The following NFIB variants were observed in gnomAD, a reference collection of about 807,000 sequenced individuals.
NFIB encodes nuclear factor 1 B-type.
Under a neutral mutation model 61.5 loss-of-function variants are expected in NFIB, and 11 were observed. That is an observed-to-expected ratio of 0.18 (90% CI 0.11 to 0.30). NFIB has a LOEUF of 0.30. Among genes scored for constraint, NFIB ranks in the 10% least tolerant of loss-of-function variants. NFIB has a pLI of 1.00. For missense variants in NFIB, 471 were observed against 608.9 expected, an observed-to-expected ratio of 0.77 and a Z score of 2.38; for synonymous variants, 260 against 216.5, an observed-to-expected ratio of 1.20 and a Z score of -1.76.
intron 1 of NFIB, among the ~76,000 whole-genome samples, chr9:14,339,928 A>G (rs1053711334): frequency 1.6e-4 from 24 of 152,210 alleles, no homozygotes; most frequent in African/African-American, 5.8e-4. Flanking sequence ...AGTATTTGGT[A>G]ATTGCCTGGC....
At chr9:14,510,190 C>T in the NFIB span, among the ~76,000 whole-genome samples, 10 of 152,208 alleles carry the variant, frequency 6.6e-5, no homozygotes, top group Admixed American at 5.2e-4. Context: ...GCCACCGTGC[C>T]CGGCCTTGAA....
At chr9:14,212,623 T>A (rs1041542552) in intron 2 of NFIB, among the ~76,000 whole-genome samples, 12 of 140,496 alleles carry the variant, frequency 8.5e-5, no homozygotes, top group African/African-American at 3.6e-4. Flanking sequence ...CTCAAAAGGT[T>A]ATAATTCCTC....
In NFIB at chr9:14,174,934, C is replaced by G. The variant is rs555245949; in HGVS notation, c.616+4793G>C. On this transcript the variant is annotated intron_variant, in intron 3 of 10. Transcript: ENST00000380953. ...GCCTTTATGTACAGATTAAAAAGTA[C>G]TAAGTTTGTCCTAAATTCTAAGATC... Among the ~76,000 whole-genome samples, 5 of 152,100 alleles carry G rather than the reference C, an allele frequency of 3.3e-5. No homozygotes were observed. The East Asian group carries it at 9.7e-4, about 29-fold the overall frequency.
At chr9:14,341,079 T>C (rs2132874078) in intron 1 of NFIB, among the ~76,000 whole-genome samples, 1 of 152,330 alleles carries the variant, frequency 6.6e-6, no homozygotes, top group Non-Finnish European at 1.5e-5. Context: ...AAACACAGTC[T>C]CCAGCTTCTT....
At chr9:14,336,122 G>C (rs1196516338) in intron 1 of NFIB, among the ~76,000 whole-genome samples, 2 of 152,104 alleles carry the variant, frequency 1.3e-5, no homozygotes, top group Non-Finnish European at 2.9e-5. Context: ...CTCCAGATTT[G>C]TGCCTTCAAT....
intron 10 of NFIB, chr9:14,093,589 C>T (rs2034300301): frequency 6.6e-6 from 1 of 152,106 alleles, no homozygotes; most frequent in Admixed American, 6.6e-5. Flanking sequence ...TCCTTTGCAA[C>T]ATTTCCTGAT....
At chr9:14,343,214 C>A (rs2060973460) in intron 1 of NFIB, among the ~76,000 whole-genome samples, 1 of 152,164 alleles carries the variant, frequency 6.6e-6, no homozygotes, top group African/African-American at 2.4e-5. Context: ...GTCAACCATC[C>A]TTGGAGAAGT....
intron 2 of NFIB, among the ~76,000 whole-genome samples, chr9:14,283,058 C>A (rs115878082): frequency 2.0e-5 from 3 of 152,296 alleles, no homozygotes; most frequent in African/African-American, 7.2e-5. Flanking sequence ...CTTAGAACTA[C>A]TCTGGCTAAG....
At chr9:14,097,193 G>A (rs2034928027) in intron 10 of NFIB, among the ~76,000 whole-genome samples, 1 of 152,144 alleles carries the variant, frequency 6.6e-6, no homozygotes, top group Admixed American at 6.6e-5. Context: ...AAAGACAAAA[G>A]TAGTTAGCAG....
chr9:14,491,624 C>G, the NFIB span, among the ~76,000 whole-genome samples: 1 of 152,144 alleles, frequency 6.6e-6, no homozygotes, highest in African/African-American at 2.4e-5. Flanking sequence ...TCATAGCTTT[C>G]TTTATTTTGA....
chr9:14,292,793 T>G (rs1563982507), intron 2 of NFIB, among the ~76,000 whole-genome samples: 1 of 152,176 alleles, frequency 6.6e-6, no homozygotes, highest in Non-Finnish European at 1.5e-5. Context: ...ACTAAATAAT[T>G]TAGAGTCTAA....
rs370685953 is a variant in NFIB at position 14,131,212 on chromosome 9, G to A, written c.926-5446C>T. On this transcript the variant is annotated intron_variant, in intron 6 of 10. Transcript: ENST00000380953. Reference sequence around the variant, plus strand: ...AGCTATGACTTTAGAAACTCATCGTGTAGTTGAATATGGAATAAAAGATCA... The same window carrying A: ...AGCTATGACTTTAGAAACTCATCGTATAGTTGAATATGGAATAAAAGATCA... Among the ~76,000 whole-genome samples the A allele has an allele frequency of 1.2e-4, 19 of 152,244 alleles. No individual in the cohort carries two copies. In the South Asian group the frequency reaches 3.7e-3, roughly 30 times the overall value.
the NFIB span, among the ~76,000 whole-genome samples, chr9:14,505,491 G>A: frequency 1.3e-5 from 2 of 152,190 alleles, no homozygotes; most frequent in African/African-American, 4.8e-5. Flanking sequence ...CCTTGAACTT[G>A]TGCATGAATC....
the NFIB span, among the ~76,000 whole-genome samples, chr9:14,527,604 C>T: frequency 7.9e-5 from 12 of 152,160 alleles, no homozygotes; most frequent in East Asian, 1.4e-3. Context: ...CAGAATGGGG[C>T]GATAGGATTG....
At chr9:14,485,734 G>T in the NFIB span, among the ~76,000 whole-genome samples, 1 of 152,074 alleles carries the variant, frequency 6.6e-6, no homozygotes, top group South Asian at 2.1e-4. Flanking sequence ...AGTTAGTCGG[G>T]TGTTGTGGTG....
At chr9:14,251,574 A>G (rs2055625474) in intron 2 of NFIB, among the ~76,000 whole-genome samples, 1 of 152,220 alleles carries the variant, frequency 6.6e-6, no homozygotes, top group South Asian at 2.1e-4. Flanking sequence ...CCAGTCATTC[A>G]GGTTACTGCA....
chr9:14,272,692 CAAAAAAAAAAAA>C (rs61391471), intron 2 of NFIB, among the ~76,000 whole-genome samples: 1 of 67,228 alleles, frequency 1.5e-5, no homozygotes, highest in Non-Finnish European at 2.9e-5. Context: ...TCAATTCTCG[CAAAAAAAAAAAA>C]AAAAAAAAAA....
chr9:14,244,000 T>C (rs762493666), intron 2 of NFIB, among the ~76,000 whole-genome samples: 75 of 152,352 alleles, frequency 4.9e-4, no homozygotes, highest in Non-Finnish European at 1.0e-3. Context: ...TGCACTAAAA[T>C]AGGACACACA....
chr9:14,501,431 G>A, the NFIB span, among the ~76,000 whole-genome samples: 1 of 152,138 alleles, frequency 6.6e-6, no homozygotes, highest in South Asian at 2.1e-4. Flanking sequence ...TTAAAAAAAT[G>A]TAATTTCCTT....
Sources: allele counts gnomAD v4.1 joint callset (sites outside exome capture counted in the v4.1 genomes callset), GRCh38; gene constraint gnomAD v4.1.1; transcripts MANE v1.5; gene names NCBI Gene and HGNC (gene_info 2026-07-23, HGNC 2026-07-21).